Variants in HTR4 observed in about 807,000 individuals in gnomAD.
HTR4 encodes the protein 5-hydroxytryptamine (serotonin) receptor 4, G protein-coupled.
HTR4 carries 16 observed loss-of-function variants against 36.8 expected under a neutral mutation model. That is an observed-to-expected ratio of 0.43 (90% CI 0.29 to 0.66). The LOEUF is 0.66. Among genes scored for constraint, HTR4 ranks in the 30% least tolerant of loss-of-function variants. The pLI, the probability that HTR4 is intolerant of heterozygous loss-of-function variation, is 0.13. For missense variants in HTR4, 438 were observed against 490.9 expected (o/e 0.89, Z 1.02); for synonymous variants, 189 against 185.1 (o/e 1.02, Z -0.17).
intron 2 of HTR4, among the ~76,000 whole-genome samples, chr5:148,581,006 C>T (rs1179538277): frequency 7.3e-6 from 1 of 136,950 alleles, no homozygotes; most frequent in Admixed American, 7.5e-5. Flanking sequence ...TCCACAACCT[C>T]ACCAACATTT....
chr5:148,602,799 T>G (rs886595765), intron 2 of HTR4, among the ~76,000 whole-genome samples: 2 of 152,116 alleles, frequency 1.3e-5, no homozygotes, highest in Admixed American at 1.3e-4. Flanking sequence ...GTATCTGGAA[T>G]GACAAATGGC....
chr5:148,559,895 C>A (rs1456161567), intron 2 of HTR4, among the ~76,000 whole-genome samples: 1 of 151,978 alleles, frequency 6.6e-6, no homozygotes, highest in Non-Finnish European at 1.5e-5. Context: ...TTTTTTACTC[C>A]CCTGCCTGTC....
intron 2 of HTR4, among the ~76,000 whole-genome samples, chr5:148,589,695 T>C (rs1761484961): frequency 6.6e-6 from 1 of 152,134 alleles, no homozygotes; most frequent in Non-Finnish European, 1.5e-5. Context: ...TAATTTTATT[T>C]TCCCCCAGCT....
intron 2 of HTR4, among the ~76,000 whole-genome samples, chr5:148,558,945 A>G (rs1213793613): frequency 6.6e-6 from 1 of 152,272 alleles, no homozygotes; most frequent in Non-Finnish European, 1.5e-5. Context: ...TTGTAAGTTG[A>G]ACACATTGTA....
At chr5:148,462,192 T>A (rs1057217314) in intron 5 of HTR4, among the ~76,000 whole-genome samples, 1 of 151,752 alleles carries the variant, frequency 6.6e-6, no homozygotes, top group Non-Finnish European at 1.5e-5. Flanking sequence ...AAATTGAAAA[T>A]AAGAAATTCA....
At chr5:148,626,622 C>A (rs1455832368) in intron 2 of HTR4, among the ~76,000 whole-genome samples, 4 of 152,138 alleles carry the variant, frequency 2.6e-5, no homozygotes, top group African/African-American at 9.7e-5. Flanking sequence ...ACAGTTTTAA[C>A]CTTTGGATAC....
rs1299038131 is a variant in HTR4 at position 148,548,767 on chromosome 5, A to G, written c.254T>C (p.Ile85Thr). ...ACAAAACACCTCCCCATAAATCCAG[A>G]TGTCTTGAACCAGCTCAATGGCACC... ...PFGAIELVQD[I>T]WIYGEVFCLV... The change falls in exon 4 of 7, where the codon ATC becomes ACC. Residue 85 changes from isoleucine (I) to threonine (T), a missense_variant. Ile to Thr is a moderately conservative substitution (Grantham distance 89, BLOSUM62 -1). Coordinates refer to ENST00000377888, the MANE Select transcript of HTR4 (RefSeq NM_000870.7). 3 of 1,614,064 alleles carry G rather than the reference A, an allele frequency of 1.9e-6. No individual in the cohort carries two copies. The East Asian group carries it at 6.7e-5, about 36-fold the overall frequency.
At chr5:148,577,837 GGGA>G (rs1760986157) in intron 2 of HTR4, among the ~76,000 whole-genome samples, 1 of 151,956 alleles carries the variant, frequency 6.6e-6, no homozygotes, top group Non-Finnish European at 1.5e-5. Flanking sequence ...GGTGAGAGGA[GGGA>G]GGAGAGCAGA....
rs1224271283 is a variant in HTR4, at chr5:148,654,224, G to C, written c.-210C>G. 1.0e-6 allele frequency: 1 copy of C among 985,056 alleles called. No individual in the cohort carries two copies. The highest frequency in any genetic ancestry group is 1.2e-6 in the Non-Finnish European group (1 of 829,836). 61.0% of individuals were successfully genotyped at this position (985,056 alleles called of 1,614,324 possible). A position where few individuals can be genotyped will look rare whatever the true frequency, so the allele number is the denominator to read the frequency against. On this transcript the variant is annotated 5_prime_UTR_variant, in exon 1 of 7. Coordinates refer to ENST00000377888, the MANE Select transcript of HTR4 (RefSeq NM_000870.7). ...TGCGGGCTCCAGCCCCCGCGCTGGG[G>C]AGCCGGCGAGCGTGAGGCGCGGGCC...
chr5:148,609,647 G>A (rs926745156), intron 2 of HTR4, among the ~76,000 whole-genome samples: 1 of 149,956 alleles, frequency 6.7e-6, no homozygotes, highest in South Asian at 2.1e-4. Flanking sequence ...CTCACTGCAC[G>A]CTCTGCCTCC....
chr5:148,615,708 GAAATAAAATA>G (rs71001495), intron 2 of HTR4, among the ~76,000 whole-genome samples: 58 of 145,528 alleles, frequency 4.0e-4, no homozygotes, highest in East Asian at 1.4e-3. Context: ...AAGAAAGAAA[GAAATAAAATA>G]AAATAAAATA....
At chr5:148,615,765 G>C (rs1405140301) in intron 2 of HTR4, among the ~76,000 whole-genome samples, 2 of 151,876 alleles carry the variant, frequency 1.3e-5, no homozygotes, top group Non-Finnish European at 2.9e-5. Context: ...GGTATGTTAA[G>C]TGGTTAAGTT....
chr5:148,560,205 TAAA>T (rs34166829), intron 2 of HTR4, among the ~76,000 whole-genome samples: 3,041 of 91,354 alleles, frequency 0.033, 101 homozygotes, highest in African/African-American at 0.096. Context: ...GCTTTTTTTT[TAAA>T]AAAAAAAAAA....
chr5:148,577,067 CTA>C (rs1760953636), intron 2 of HTR4, among the ~76,000 whole-genome samples: 2 of 151,984 alleles, frequency 1.3e-5, no homozygotes, highest in Admixed American at 1.3e-4. Context: ...AATTTGCAAA[CTA>C]TGTATCTGAC....
At chr5:148,531,929 A>G (rs1485096443) in intron 4 of HTR4, among the ~76,000 whole-genome samples, 2 of 152,132 alleles carry the variant, frequency 1.3e-5, no homozygotes, top group African/African-American at 2.4e-5. Context: ...TGTTGTCACA[A>G]TTGGGAAGGA....
chr5:148,541,157 C>T (rs993674395), intron 4 of HTR4, among the ~76,000 whole-genome samples: 2 of 152,126 alleles, frequency 1.3e-5, no homozygotes, highest in South Asian at 4.1e-4. Flanking sequence ...AAACCTTTGT[C>T]ACTTCTCCAA....
At chr5:148,479,984 G>A (rs1755825890), downstream of HTR4, among the ~76,000 whole-genome samples, 1 of 152,062 alleles carries the variant, frequency 6.6e-6, no homozygotes, top group African/African-American at 2.4e-5. Flanking sequence ...AAAGTTATCA[G>A]GTTCAATATC....
intron 4 of HTR4, among the ~76,000 whole-genome samples, chr5:148,544,936 G>A (rs544242966): frequency 6.6e-6 from 1 of 152,348 alleles, no homozygotes; most frequent in South Asian, 2.1e-4. Flanking sequence ...AGAAGGACAT[G>A]GCATACTGCC....
At chr5:148,501,747 C>T (rs1478129446) in intron 6 of HTR4, among the ~76,000 whole-genome samples, 2 of 152,144 alleles carry the variant, frequency 1.3e-5, no homozygotes, top group South Asian at 2.1e-4. Flanking sequence ...AGTAAAACAT[C>T]ACAGACCAAC....
Sources: allele counts gnomAD v4.1 joint callset (sites outside exome capture counted in the v4.1 genomes callset), GRCh38; gene constraint gnomAD v4.1.1; transcripts MANE v1.5; gene names NCBI Gene and HGNC (gene_info 2026-07-23, HGNC 2026-07-21).